The following GABRA1 variants were observed in gnomAD, a reference collection of about 807,000 sequenced individuals.
GABRA1 encodes the protein gamma-aminobutyric acid type A receptor subunit alpha1, also known as gamma-aminobutyric acid receptor subunit alpha-1.
In GABRA1, 9 loss-of-function variants were observed where a neutral mutation model predicts 48.9. The observed-to-expected ratio is 0.18, with a 90% CI of 0.11 to 0.32. The LOEUF is 0.32. Among genes scored for constraint, GABRA1 ranks in the 10% least tolerant of loss-of-function variants. The probability of loss-of-function intolerance (pLI) is 1.00; values close to 1 mark genes in which losing one functional copy is unlikely to be tolerated. For synonymous variants in GABRA1, 210 were observed against 198.7 expected, an observed-to-expected ratio of 1.06 and a Z score of -0.48; for missense variants, 285 against 553.8, an observed-to-expected ratio of 0.51 and a Z score of 4.87.
chr5:161,875,435 A>G, intron 5 of GABRA1, 125 bp from the exon 6 acceptor site: 7 of 775,406 alleles, frequency 9.0e-6, no homozygotes, highest in Non-Finnish European at 1.6e-5. Flanking sequence ...TTAACAGCTC[A>G]GCATAACCCT....
intron 3 of GABRA1, among the ~76,000 whole-genome samples, chr5:161,855,440 G>A (rs1246646232): frequency 6.6e-6 from 1 of 151,468 alleles, no homozygotes; most frequent in Non-Finnish European, 1.5e-5. Context: ...GGTCTTACCA[G>A]GTGTCCTTTC....
intron 8 of GABRA1, among the ~76,000 whole-genome samples, chr5:161,893,569 C>G (rs1206883909): frequency 6.6e-6 from 1 of 152,086 alleles, no homozygotes; most frequent in African/African-American, 2.4e-5. Flanking sequence ...AAAAGACATC[C>G]AGAATGAAAG....
chr5:161,852,191 CTT>C (rs1476721588), intron 2 of GABRA1, among the ~76,000 whole-genome samples: 2 of 151,952 alleles, frequency 1.3e-5, no homozygotes, highest in African/African-American at 4.8e-5. Flanking sequence ...GCAGTGGTCT[CTT>C]TGGGCATCTG....
intron 5 of GABRA1, 49 bp downstream of exon 5, chr5:161,873,386 C>T: frequency 1.4e-6 from 2 of 1,427,446 alleles, no homozygotes; most frequent in Non-Finnish European, 2.0e-6. Flanking sequence ...ACTTCATTCC[C>T]TTCCACTTGT....
chr5:161,865,752 C>T lies in GABRA1; in HGVS notation c.219C>T (p.Phe73=), dbSNP rs1436904885. 3.1e-6 allele frequency: 5 copies of T among 1,612,776 alleles called. No individual in the cohort carries two copies. The highest frequency in any genetic ancestry group is 1.3e-5 in the African/African-American group (1 of 74,812). The change falls in exon 4 of 10, where the codon TTC becomes TTT. Residue 73 remains phenylalanine (F), a synonymous_variant. Transcript: ENST00000393943. ...ERVTEVKTDI[F]VTSFGPVSDH... is the part of the protein sequence containing the mutation. ...TAACCGAAGTGAAGACTGATATCTT[C>T]GTCACCAGTTTCGGACCCGTTTCAG...
At chr5:161,874,208 T>C (rs888828199) in intron 5 of GABRA1, among the ~76,000 whole-genome samples, 1 of 152,148 alleles carries the variant, frequency 6.6e-6, no homozygotes, top group African/African-American at 2.4e-5. Context: ...GCAAGTACAG[T>C]AATATTTTGC....
chr5:161,888,060 T>A (rs982705718), intron 7 of GABRA1, among the ~76,000 whole-genome samples: 7 of 152,114 alleles, frequency 4.6e-5, no homozygotes, highest in African/African-American at 1.7e-4. Flanking sequence ...TCTCCTTAAT[T>A]TTGTTTTGCA....
chr5:161,878,621 G>T (rs1287709937), intron 6 of GABRA1, among the ~76,000 whole-genome samples: 1 of 152,132 alleles, frequency 6.6e-6, no homozygotes, highest in East Asian at 1.9e-4. Flanking sequence ...ATTAGATTCT[G>T]ATTGTTAAGG....
At chr5:161,852,508 G>T (rs968674687) in intron 2 of GABRA1, among the ~76,000 whole-genome samples, 1 of 151,936 alleles carries the variant, frequency 6.6e-6, no homozygotes, top group East Asian at 1.9e-4. Flanking sequence ...ATCCTTGAAA[G>T]ATGCAGGAAT....
At chr5:161,893,048 T>TAAAAAAAA (rs3078113) in intron 8 of GABRA1, among the ~76,000 whole-genome samples, 61 of 142,010 alleles carry the variant, frequency 4.3e-4, no homozygotes, top group East Asian at 1.0e-3. Flanking sequence ...ATAATAATAA[T>TAAAAAAAA]AAAATAAACA....
At chr5:161,894,422 G>C (rs1365625031) in intron 8 of GABRA1, among the ~76,000 whole-genome samples, 9 of 152,174 alleles carry the variant, frequency 5.9e-5, no homozygotes, top group African/African-American at 2.2e-4. Context: ...ATAGTCTTTT[G>C]AGTGAGTGAG....
intron 3 of GABRA1, among the ~76,000 whole-genome samples, chr5:161,855,042 A>G (rs1757595521): frequency 6.6e-6 from 1 of 151,604 alleles, no homozygotes. Flanking sequence ...AAGCAAGGAA[A>G]TAAATTTTCT....
chr5:161,855,912 T>C (rs1158106588), intron 3 of GABRA1, among the ~76,000 whole-genome samples: 1 of 151,528 alleles, frequency 6.6e-6, no homozygotes, highest in East Asian at 1.9e-4. Context: ...TTTTGGCATG[T>C]AAATATGAGT....
At chr5:161,870,522 G>T (rs866746537) in intron 4 of GABRA1, among the ~76,000 whole-genome samples, 2 of 149,402 alleles carry the variant, frequency 1.3e-5, no homozygotes, top group Middle Eastern at 3.4e-3. Context: ...AGCTATGACC[G>T]CGTTATTGCA....
At chr5:161,862,714 CAT>C (rs1430808028) in intron 3 of GABRA1, among the ~76,000 whole-genome samples, 1 of 151,908 alleles carries the variant, frequency 6.6e-6, no homozygotes, top group Non-Finnish European at 1.5e-5. Context: ...CTAAGTGGCA[CAT>C]AGAAAATGTT....
chr5:161,860,564 T>G (rs769932090), intron 3 of GABRA1, among the ~76,000 whole-genome samples: 19 of 151,850 alleles, frequency 1.3e-4, no homozygotes, highest in Non-Finnish European at 2.4e-4. Flanking sequence ...TAAGACCTAG[T>G]ATTTAATAGC....
intron 7 of GABRA1, among the ~76,000 whole-genome samples, chr5:161,888,134 A>G (rs1754929758): frequency 6.6e-6 from 1 of 152,160 alleles, no homozygotes; most frequent in South Asian, 2.1e-4. Flanking sequence ...AAACTGCAAG[A>G]ATATTTGAAT....
rs147375380 is a variant in GABRA1 at position 161,892,720 on chromosome 5, G to A, written c.856+1670G>A. Among the ~76,000 whole-genome samples, 590 of 152,006 alleles carry A rather than the reference G, an allele frequency of 3.9e-3. 4 individuals carry two copies. The highest frequency in any genetic ancestry group is 0.013 in the African/African-American group (557 of 41,464). On this transcript the variant is annotated intron_variant, in intron 8 of 9. Transcript: ENST00000393943. The stretch of plus-strand genomic sequence containing the variant: ...AAACAAAAACAAACAAAAAACACAG[G>A]ACAGGCCGGGCACGGGGCCCACGTC...
chr5:161,879,178 G>A (rs976936204), intron 6 of GABRA1, among the ~76,000 whole-genome samples: 7 of 152,084 alleles, frequency 4.6e-5, no homozygotes, highest in Non-Finnish European at 1.0e-4. Context: ...GCACAATCAG[G>A]GCTCACTGCT....
Sources: allele counts gnomAD v4.1 joint callset (sites outside exome capture counted in the v4.1 genomes callset), GRCh38; gene constraint gnomAD v4.1.1; transcripts MANE v1.5; gene names NCBI Gene and HGNC (gene_info 2026-07-23, HGNC 2026-07-21).